GUCY2C: variants seen among roughly 807,000 people sequenced by gnomAD.
GUCY2C encodes guanylyl cyclase C.
In GUCY2C, 118 loss-of-function variants were observed where a neutral mutation model predicts 131.1. That is an observed-to-expected ratio of 0.90 (90% CI 0.78 to 1.05). The LOEUF is 1.05. Ranked by LOEUF, GUCY2C falls within the 50% of genes least tolerant of loss-of-function variation. The probability of loss-of-function intolerance (pLI) is 0.00; values close to 1 mark genes in which losing one functional copy is unlikely to be tolerated. For missense variants in GUCY2C, 1,161 were observed against 1,304.4 expected (o/e 0.89, Z 1.69); for synonymous variants, 452 against 457.8 (o/e 0.99, Z 0.16).
At chr12:14,616,816 C>A in intron 24 of GUCY2C, 89 bp from the exon 25 acceptor site, 1 of 768,468 alleles carries the variant, frequency 1.3e-6, no homozygotes, top group Non-Finnish European at 2.4e-6. Flanking sequence ...ACACCTGAGA[C>A]AAGAATCCTA....
Position 14,668,670 on chromosome 12 carries a change from G to A in GUCY2C, c.1282+1052C>T, listed in dbSNP as rs1478167493. On this transcript the variant is annotated intron_variant, in intron 10 of 26. Transcript: ENST00000261170. Reference sequence around the variant, plus strand: ...TTTTAAATCTTTGGGCTAAATATCTGTCCAGATTTAAGACTTTTTCTTAAA... The same window carrying A: ...TTTTAAATCTTTGGGCTAAATATCTATCCAGATTTAAGACTTTTTCTTAAA... Among the ~76,000 whole-genome samples, 4 of 146,654 alleles carry A rather than the reference G, an allele frequency of 2.7e-5. No individual in the cohort carries two copies. In the South Asian group the frequency reaches 8.7e-4, roughly 32 times the overall value.
At chr12:14,643,521 G>A (rs1372247686) in intron 17 of GUCY2C, 53 bp downstream of exon 17, 4 of 1,569,964 alleles carry the variant, frequency 2.5e-6, no homozygotes, top group Non-Finnish European at 3.5e-6. Context: ...CGCTACATGG[G>A]TTTGAAAAAA....
At chr12:14,634,586 T>C (rs1947220554) in intron 19 of GUCY2C, among the ~76,000 whole-genome samples, 1 of 152,144 alleles carries the variant, frequency 6.6e-6, no homozygotes, top group South Asian at 2.1e-4. Context: ...AATCAATTAA[T>C]CAAATGAAAG....
At chr12:14,659,759 AGTT>A (rs1188738048) in intron 11 of GUCY2C, among the ~76,000 whole-genome samples, 2 of 152,176 alleles carry the variant, frequency 1.3e-5, no homozygotes, top group Admixed American at 6.5e-5. Flanking sequence ...ATGGTTTGCT[AGTT>A]TTCTTGCATA....
chr12:14,630,857 A>G (rs774065290), intron 19 of GUCY2C, among the ~76,000 whole-genome samples: 35 of 152,206 alleles, frequency 2.3e-4, no homozygotes, highest in Non-Finnish European at 4.0e-4. Context: ...CAAATGAATT[A>G]AAGATGATGC....
chr12:14,693,502 A>C (rs1456264594), intron 1 of GUCY2C, among the ~76,000 whole-genome samples: 1 of 152,206 alleles, frequency 6.6e-6, no homozygotes, highest in East Asian at 1.9e-4. Context: ...CCCTTTGAAC[A>C]TCACATATAA....
At chr12:14,636,319 C>T (rs1947269889) in intron 19 of GUCY2C, among the ~76,000 whole-genome samples, 1 of 152,136 alleles carries the variant, frequency 6.6e-6, no homozygotes, top group Non-Finnish European at 1.5e-5. Context: ...AATCAATAAA[C>T]ATGATACATT....
At chr12:14,646,434 T>C (rs1947524757) in intron 15 of GUCY2C, among the ~76,000 whole-genome samples, 1 of 152,190 alleles carries the variant, frequency 6.6e-6, no homozygotes, top group Admixed American at 6.5e-5. Context: ...GACAGACTAA[T>C]TCTTTTCTAT....
At chr12:14,683,898 G>C (rs146647913) in intron 3 of GUCY2C, among the ~76,000 whole-genome samples, 74 of 151,992 alleles carry the variant, frequency 4.9e-4, no homozygotes, top group African/African-American at 1.7e-3. Context: ...TTAGTGTTTT[G>C]AGATTGCAAA....
At chr12:14,685,219 G>A (rs1228894312) in intron 3 of GUCY2C, among the ~76,000 whole-genome samples, 3 of 152,136 alleles carry the variant, frequency 2.0e-5, no homozygotes, top group Admixed American at 6.5e-5. Flanking sequence ...AAGTGATCAG[G>A]TTAGATGACA....
intron 16 of GUCY2C, among the ~76,000 whole-genome samples, chr12:14,644,503 A>G (rs1290965991): frequency 6.6e-6 from 1 of 152,206 alleles, no homozygotes; most frequent in Non-Finnish European, 1.5e-5. Context: ...CGATTTTCAT[A>G]ACACATTTTT....
rs1242530414 is a variant in GUCY2C at position 14,613,229 on chromosome 12, C to A, written c.3110G>T (p.Arg1037Ile). 1 of 1,613,440 alleles carries A rather than the reference C, an allele frequency of 6.2e-7. No individual in the cohort carries two copies. Among genetic ancestry groups the A allele is most frequent in the East Asian group, 2.2e-5 (1 of 44,858 alleles). Residue 1037 changes from arginine (R) to isoleucine (I), a missense_variant, in exon 27 of 27, where the codon AGA (arginine) becomes ATA (isoleucine). Transcript: ENST00000261170. This position sits in a 1 kb window ranked among gnomAD's most constrained non-coding sequence, Gnocchi z 4.9. ...TTGGCTTCTTATCCCTGCTGCCTGT[C>A]TTTTCTGTAAAGAGTTGGCAATCAT... Reference protein sequence around the residue: ...SDMIANSLQKRQAAGIRSQKP... With the variant: ...SDMIANSLQKIQAAGIRSQKP...
intron 19 of GUCY2C, among the ~76,000 whole-genome samples, chr12:14,636,783 T>C (rs746921103): frequency 3.3e-5 from 5 of 152,140 alleles, no homozygotes; most frequent in Admixed American, 2.0e-4. Flanking sequence ...TCAGTACAGT[T>C]GAAGGATATA....
At chr12:14,693,230 G>T (rs1398925906) in intron 1 of GUCY2C, among the ~76,000 whole-genome samples, 2 of 152,066 alleles carry the variant, frequency 1.3e-5, no homozygotes, top group Non-Finnish European at 2.9e-5. Context: ...CTATCTAAGG[G>T]TTTAAGGATG....
At chr12:14,695,032 A>C (rs1400673043) in intron 1 of GUCY2C, among the ~76,000 whole-genome samples, 1 of 152,224 alleles carries the variant, frequency 6.6e-6, no homozygotes, top group African/African-American at 2.4e-5. Flanking sequence ...GATATAATAC[A>C]TACTGGATAT....
chr12:14,668,105 G>A (rs1948021402), intron 10 of GUCY2C, among the ~76,000 whole-genome samples: 1 of 147,986 alleles, frequency 6.8e-6, no homozygotes, highest in Non-Finnish European at 1.5e-5. Flanking sequence ...CTGGGCTCAA[G>A]TGATCCTCCC....
At chr12:14,623,232 C>T (rs1056913205) in intron 21 of GUCY2C, among the ~76,000 whole-genome samples, 5 of 152,194 alleles carry the variant, frequency 3.3e-5, no homozygotes, top group Non-Finnish European at 5.9e-5. Flanking sequence ...ATTACACTCC[C>T]TGCACAACCC....
chr12:14,668,911 C>T (rs1948040146), intron 10 of GUCY2C, among the ~76,000 whole-genome samples: 1 of 152,092 alleles, frequency 6.6e-6, no homozygotes, highest in Admixed American at 6.5e-5. Context: ...AGGTGGGTAA[C>T]TATCATTGCA....
At position 14,668,005 on chromosome 12, in the gene GUCY2C, T is replaced by C. The variant is rs868724917; in HGVS notation, c.1282+1717A>G. Among the ~76,000 whole-genome samples the C allele has an allele frequency of 9.5e-3, 1,349 of 142,094 alleles. 12 individuals are homozygous for C. Among genetic ancestry groups the C allele is most frequent in the African/African-American group, 0.033 (1,265 of 38,808 alleles). 93.2% of individuals were successfully genotyped at this position (142,094 alleles called of 152,430 possible). On this transcript the variant is annotated intron_variant, in intron 10 of 26. Coordinates refer to ENST00000261170, the MANE Select transcript of GUCY2C (RefSeq NM_004963.4). ...GTGAATATATAATAATTTTCTTTTT[T>C]TTTTTTTTTTTTTTTTGAGGCAGGG...
Sources: allele counts gnomAD v4.1 joint callset (sites outside exome capture counted in the v4.1 genomes callset), GRCh38; gene constraint gnomAD v4.1.1; non-coding constraint Gnocchi (gnomAD v3.1); transcripts MANE v1.5; gene names NCBI Gene and HGNC (gene_info 2026-07-23, HGNC 2026-07-21).